Variants in ITGA7 observed in about 807,000 individuals in gnomAD.
ITGA7 encodes the protein integrin alpha-7.
A neutral mutation model predicts 131.6 loss-of-function variants in ITGA7; 84 were observed. The observed-to-expected ratio is 0.64, with a 90% CI of 0.54 to 0.77. The LOEUF (loss-of-function observed/expected upper bound fraction) is 0.77. Ranked by LOEUF, ITGA7 falls within the 30% of genes least tolerant of loss-of-function variation. The probability of loss-of-function intolerance (pLI) is 0.00; values close to 1 mark genes in which losing one functional copy is unlikely to be tolerated. For missense variants in ITGA7, 1,399 were observed against 1,482.9 expected (o/e 0.94, Z 0.93); for synonymous variants, 548 against 600.7 (o/e 0.91, Z 1.28).
chr12:55,692,515 GACAA>G (rs1350273864), intron 21 of ITGA7, among the ~76,000 whole-genome samples: 2 of 152,218 alleles, frequency 1.3e-5, no homozygotes, highest in African/African-American at 4.8e-5. Context: ...TCAAAAGAAC[GACAA>G]ACAGACCTCA....
At chr12:55,716,400 G>GT (rs1286335252), upstream of ITGA7, 1 of 1,395,602 alleles carries the variant, frequency 7.2e-7, no homozygotes, top group African/African-American at 1.5e-5. Flanking sequence ...CAATACTCCG[G>GT]TCCCCTCGGC....
Position 55,685,007 on chromosome 12 carries a change from C to T in ITGA7, c.*51G>A, listed in dbSNP as rs758208709. The T allele has an allele frequency of 2.1e-6, 3 of 1,444,650 alleles. No individual in the cohort carries two copies. The highest frequency in any genetic ancestry group is 2.8e-5 in the African/African-American group (2 of 71,070). The allele number at this position is 1,444,650 out of a possible 1,614,324, so 89.5% of individuals were successfully genotyped here. ...TACCCTCTTCATCCCAAGGAGCCAT[C>T]TCTGGGGAAGGGATGGAGGGCAGCC... On this transcript the variant is annotated 3_prime_UTR_variant, in exon 25 of 25. Transcript: ENST00000257879.
rs1431659660 is a variant in ITGA7 at position 55,700,238 on chromosome 12, T to A, written c.671-249A>T. The A allele has an allele frequency of 4.4e-6, 7 of 1,594,184 alleles. No individual in the cohort carries two copies. The African/African-American group carries it at 8.1e-5, about 19-fold the overall frequency. On this transcript the variant is annotated intron_variant, in intron 4 of 24. Coordinates refer to ENST00000257879, the MANE Select transcript of ITGA7 (RefSeq NM_002206.3). ...GAGAGGAGCAGAGGGTTAGAGCAGT[T>A]CTGGGCCGGGGAGAGGTCCCTACCA...
rs2136073462 is a variant in ITGA7 at position 55,703,159 on chromosome 12, G to A, written c.226C>T (p.Gln76Ter). 1.2e-6 allele frequency: 2 copies of A among 1,611,288 alleles called. No individual in the cohort carries two copies. The highest frequency in any genetic ancestry group is 1.7e-6 in the Non-Finnish European group (2 of 1,179,956). ...TGCTGCCCAGGAAGAGCCAGGGCCT[G>A]GGGAGCACCCACCAGCAGCCTGCAA... is the stretch of plus-strand genomic sequence containing the variant. ...PQSWLLVGAP[Q>*]ALALPGQQAN... Residue 76 changes from glutamine (Q) to a stop codon, truncating the protein, a stop_gained, in exon 2 of 25, where the codon CAG (glutamine) becomes TAG (stop). Coordinates refer to ENST00000257879, the MANE Select transcript of ITGA7 (RefSeq NM_002206.3). LOFTEE classifies it high-confidence loss of function.
chr12:55,688,306 G>C lies in ITGA7; in HGVS notation c.2959-6C>G, dbSNP rs751248425. On this transcript the variant is annotated splice_polypyrimidine_tract_variant and splice_region_variant and intron_variant, in intron 22 of 24. Transcript: ENST00000257879. ...GACTTCACAGCTGAGTACTCCTAAG[G>C]GAACAGGGAAGGAGACCCTTCTCCT... 1 of 1,606,984 alleles carries C rather than the reference G, an allele frequency of 6.2e-7. No individual in the cohort carries two copies. The highest frequency in any genetic ancestry group is 8.5e-7 in the Non-Finnish European group (1 of 1,173,644).
chr12:55,699,053 C>T (rs1254219911), intron 5 of ITGA7, 136 bp from the exon 6 acceptor site: 3 of 787,962 alleles, frequency 3.8e-6, no homozygotes, highest in Non-Finnish European at 6.3e-6. Context: ...CTGCCCCCTC[C>T]CCTAGGTTAA....
upstream of ITGA7, among the ~76,000 whole-genome samples, chr12:55,709,129 C>T (rs115442317): frequency 8.5e-5 from 13 of 152,300 alleles, no homozygotes; most frequent in African/African-American, 3.1e-4. Flanking sequence ...GATTTTGTCT[C>T]ATCCCAAATT....
At chr12:55,685,741 G>A (rs1413481754) in intron 24 of ITGA7, among the ~76,000 whole-genome samples, 5 of 152,194 alleles carry the variant, frequency 3.3e-5, no homozygotes, top group Admixed American at 2.0e-4. Flanking sequence ...TACCTTGGGC[G>A]GCACGCCCCT....
chr12:55,700,227 G>A (rs370179861), intron 4 of ITGA7: 1 of 1,585,352 alleles, frequency 6.3e-7, no homozygotes, highest in East Asian at 2.2e-5. Context: ...GGAGCAGAGG[G>A]TTAGAGCAGT....
At chr12:55,699,741 C>T in intron 5 of ITGA7, 129 bp downstream of exon 5, 1 of 1,243,120 alleles carries the variant, frequency 8.0e-7, no homozygotes, top group Non-Finnish European at 1.1e-6. Context: ...CAATTTGGGC[C>T]CAATGTATGT....
In ITGA7 at chr12:55,704,858, C is replaced by T. The variant is rs535586642; in HGVS notation, c.207-1680G>A. ...AGGGTACCCTGGGCAGAAAAGGAAA[C>T]GGGGTGATACAGCCCTGCATAAATA... On this transcript the variant is annotated intron_variant, in intron 1 of 24. Transcript: ENST00000257879. Among the ~76,000 whole-genome samples, 5 of 152,214 alleles carry T rather than the reference C, an allele frequency of 3.3e-5. No homozygotes were observed. In the East Asian group the frequency reaches 5.8e-4, roughly 18 times the overall value.
chr12:55,707,526 C>T lies in ITGA7; in HGVS notation c.157G>A (p.Gly53Ser), dbSNP rs757119118. The change falls in exon 1 of 25, where the codon GGC becomes AGC. Residue 53 changes from glycine (G) to serine (S), a missense_variant. By Grantham distance (56) the Gly-to-Ser change is moderately conservative (BLOSUM62 0). Coordinates refer to ENST00000257879, the MANE Select transcript of ITGA7 (RefSeq NM_002206.3). ...RKEGEPGSLF[G>S]FSVALHRQLQ... Reference sequence around the variant, plus strand: ...TGCCGGTGCAGGGCCACAGAGAAGCCGAAGAGGCTGCCTGGCTCGCCCTCC... The same window carrying T: ...TGCCGGTGCAGGGCCACAGAGAAGCTGAAGAGGCTGCCTGGCTCGCCCTCC... The T allele has an allele frequency of 8.7e-6, 14 of 1,613,814 alleles. No homozygotes were observed. The highest frequency in any genetic ancestry group is 1.1e-5 in the Non-Finnish European group (13 of 1,179,970).
rs764610914 is a variant in ITGA7, at chr12:55,698,902, G to A, written c.806C>T (p.Ser269Leu). The part of the protein sequence containing the change: ...LNSYLGFSID[S>L]GKGLVRAEEL... ...TTCTGCACGCACCAGACCTTTCCCC[G>A]AGTCAATAGAGAAGCCTGGGGGAAG... The change falls in exon 6 of 25, where the codon TCG becomes TTG. Residue 269 changes from serine (S) to leucine (L), a missense_variant. Coordinates refer to ENST00000257879, the MANE Select transcript of ITGA7 (RefSeq NM_002206.3). 9.3e-6 allele frequency: 15 copies of A among 1,611,902 alleles called. No homozygotes were observed. The highest frequency in any genetic ancestry group is 1.6e-4 in the Middle Eastern group (1 of 6,084).
At chr12:55,705,677 C>G (rs906605199) in intron 1 of ITGA7, among the ~76,000 whole-genome samples, 4 of 152,256 alleles carry the variant, frequency 2.6e-5, no homozygotes, top group African/African-American at 9.6e-5. Flanking sequence ...TAACACTTCA[C>G]AGCACTCACT....
At chr12:55,688,798 T>C in intron 22 of ITGA7, 46 bp downstream of exon 22, 2 of 1,417,854 alleles carry the variant, frequency 1.4e-6, no homozygotes, top group Non-Finnish European at 2.0e-6. Context: ...CTGGAGGGGC[T>C]TTGGAGGAAG....
At chr12:55,716,178 G>A, upstream of ITGA7, 1 of 1,611,588 alleles carries the variant, frequency 6.2e-7, no homozygotes, top group Non-Finnish European at 8.5e-7. Flanking sequence ...CAAGCAGAAT[G>A]AACGCAAGGA....
At position 55,694,507 on chromosome 12, in the gene ITGA7, T is replaced by C. The variant is rs148641361; in HGVS notation, c.2293A>G (p.Ile765Val). The C allele has an allele frequency of 6.8e-4, 1,097 of 1,613,898 alleles. 10 individuals carry two copies. Among genetic ancestry groups the C allele is most frequent in the Middle Eastern group, 1.6e-4 (1 of 6,084 alleles). ...KRGAQVTFYLILSTSGISIET... is the reference protein window; with the variant it reads ...KRGAQVTFYLVLSTSGISIET... ...ATGCTGATCCCGGAGGTGCTAAGGATGAGGTAGAAGGTGACCTAGGCCAAG... is the reference window on the plus strand; with the variant it reads ...ATGCTGATCCCGGAGGTGCTAAGGACGAGGTAGAAGGTGACCTAGGCCAAG... Residue 765 changes from isoleucine to valine, a missense_variant, in exon 17 of 25, where the codon ATC becomes GTC. Physicochemically the swap from Ile to Val is conservative, Grantham distance 29. Coordinates refer to ENST00000257879, the MANE Select transcript of ITGA7 (RefSeq NM_002206.3). This position sits in a 1 kb window ranked among gnomAD's most constrained non-coding sequence, Gnocchi z 5.3.
upstream of ITGA7, among the ~76,000 whole-genome samples, chr12:55,714,356 C>CA (rs34086588): frequency 2.9e-4 from 40 of 138,250 alleles, no homozygotes; most frequent in African/African-American, 7.9e-4. Context: ...ACTAAAAATA[C>CA]AAAAAAAAAA....
upstream of ITGA7, chr12:55,716,165 G>A (rs138812548): frequency 9.9e-6 from 16 of 1,612,478 alleles, no homozygotes; most frequent in Non-Finnish European, 1.3e-5. Context: ...AAGAACACCA[G>A]GCCAAGCAGA....
Sources: allele counts gnomAD v4.1 joint callset (sites outside exome capture counted in the v4.1 genomes callset), GRCh38; gene constraint gnomAD v4.1.1; non-coding constraint Gnocchi (gnomAD v3.1); transcripts MANE v1.5; gene names NCBI Gene and HGNC (gene_info 2026-07-23, HGNC 2026-07-21).